Variants in SNTG2 observed in about 807,000 individuals in gnomAD.
SNTG2 encodes the protein syntrophin gamma 2, also known as gamma-2-syntrophin.
Under a neutral mutation model 70.9 loss-of-function variants are expected in SNTG2, and 74 were observed. The ratio of observed to expected loss-of-function variants is 1.04; its 90% CI spans 0.86 to 1.27. SNTG2 has a LOEUF of 1.27. SNTG2 is among the 50% of genes most tolerant of loss of function. The probability of loss-of-function intolerance (pLI) is 0.00; values close to 1 mark genes in which losing one functional copy is unlikely to be tolerated. For synonymous variants in SNTG2, 278 were observed against 273.8 expected, an observed-to-expected ratio of 1.02 and a Z score of -0.15; for missense variants, 717 against 690.7, an observed-to-expected ratio of 1.04 and a Z score of -0.43.
chr2:1,121,934 G>A (rs1667405723), intron 4 of SNTG2, among the ~76,000 whole-genome samples: 1 of 152,058 alleles, frequency 6.6e-6, no homozygotes, highest in Admixed American at 6.5e-5. Context: ...GCATTACCAT[G>A]GACACCTCAG....
chr2:1,152,503 GGT>G (rs1008255680), intron 6 of SNTG2, among the ~76,000 whole-genome samples: 3 of 152,128 alleles, frequency 2.0e-5, no homozygotes, highest in Non-Finnish European at 4.4e-5. Flanking sequence ...GCGTATATTC[GGT>G]GTGTGTGTAC....
chr2:1,184,902 A>C (rs1335027777), intron 8 of SNTG2, among the ~76,000 whole-genome samples: 3 of 152,172 alleles, frequency 2.0e-5, no homozygotes, highest in African/African-American at 7.2e-5. Flanking sequence ...GTTTTAACTC[A>C]TGTCAGCATT....
chr2:1,308,230 C>G (rs1680800262), intron 14 of SNTG2, among the ~76,000 whole-genome samples: 2 of 152,126 alleles, frequency 1.3e-5, no homozygotes, highest in African/African-American at 4.8e-5. Flanking sequence ...TGCATTTGTT[C>G]TGAGTTAGAG....
At chr2:1,247,799 A>T (rs986747651) in intron 12 of SNTG2, among the ~76,000 whole-genome samples, 1 of 152,058 alleles carries the variant, frequency 6.6e-6, no homozygotes, top group Non-Finnish European at 1.5e-5. Flanking sequence ...CTCTTTTTAG[A>T]CGTTTCCAAT....
chr2:1,159,979 C>T (rs977765184), intron 6 of SNTG2, among the ~76,000 whole-genome samples: 6 of 152,158 alleles, frequency 3.9e-5, no homozygotes, highest in East Asian at 3.9e-4. Context: ...CGGAACACTG[C>T]GTCCGTGAGA....
intron 16 of SNTG2, among the ~76,000 whole-genome samples, chr2:1,356,288 C>T (rs1351975613): frequency 1.3e-5 from 2 of 152,168 alleles, no homozygotes; most frequent in Non-Finnish European, 2.9e-5. Flanking sequence ...ATCTTTTCCA[C>T]TGTTTTCTTC....
chr2:1,272,463 T>TTAAAAA (rs1553377210), intron 14 of SNTG2, among the ~76,000 whole-genome samples: 1 of 51,894 alleles, frequency 1.9e-5, no homozygotes, highest in Admixed American at 2.2e-4. Context: ...CTGGTACTGG[T>TTAAAAA]AAAAAAAAAA....
intron 4 of SNTG2, 67 bp from the exon 5 acceptor site, chr2:1,137,555 G>A: frequency 6.4e-7 from 1 of 1,555,892 alleles, no homozygotes; most frequent in Non-Finnish European, 8.8e-7. Context: ...GTGCTTAAAT[G>A]ACTGTCATAA....
chr2:1,308,299 A>T (rs1334846944), intron 14 of SNTG2, among the ~76,000 whole-genome samples, 195 bp from the exon 15 acceptor site: 1 of 152,174 alleles, frequency 6.6e-6, no homozygotes, highest in African/African-American at 2.4e-5. Context: ...CTTGACAAAA[A>T]GCAAGAAAGA....
intron 14 of SNTG2, among the ~76,000 whole-genome samples, chr2:1,289,468 A>G (rs933714728): frequency 6.6e-6 from 1 of 152,194 alleles, no homozygotes; most frequent in East Asian, 1.9e-4. Context: ...CACTTGGCAG[A>G]TCGTACCCTG....
intron 4 of SNTG2, among the ~76,000 whole-genome samples, chr2:1,116,085 C>T (rs937763330): frequency 6.6e-6 from 1 of 152,174 alleles, no homozygotes; most frequent in African/African-American, 2.4e-5. Flanking sequence ...AAACACCTTA[C>T]GTTTGTGCAG....
intron 9 of SNTG2, among the ~76,000 whole-genome samples, chr2:1,220,631 T>C (rs1674691604): frequency 6.6e-6 from 1 of 152,222 alleles, no homozygotes; most frequent in Non-Finnish European, 1.5e-5. Flanking sequence ...CTGAAAACTT[T>C]CTTTTGACGA....
chr2:1,062,725 G>A (rs1260758247), intron 1 of SNTG2, among the ~76,000 whole-genome samples: 2 of 152,126 alleles, frequency 1.3e-5, no homozygotes, highest in African/African-American at 2.4e-5. Context: ...CTTGATTTTT[G>A]TGAGTTATAG....
chr2:960,563 C>T (rs760084193), intron 1 of SNTG2, among the ~76,000 whole-genome samples: 6 of 151,424 alleles, frequency 4.0e-5, no homozygotes, highest in Non-Finnish European at 8.9e-5. Context: ...CGGGGCACGG[C>T]TATAGGTTCT....
chr2:1,047,511 T>C (rs1010506331), intron 1 of SNTG2, among the ~76,000 whole-genome samples: 12 of 152,200 alleles, frequency 7.9e-5, no homozygotes, highest in African/African-American at 2.9e-4. Context: ...AGCTGTGTGG[T>C]GTAATTTGTG....
intron 1 of SNTG2, among the ~76,000 whole-genome samples, chr2:957,811 A>G (rs1373580672): frequency 6.6e-6 from 1 of 152,172 alleles, no homozygotes; most frequent in Non-Finnish European, 1.5e-5. Flanking sequence ...GGCTCCCTGG[A>G]GCCTCTGGAG....
chr2:1,048,941 A>G (rs1416920332), intron 1 of SNTG2, among the ~76,000 whole-genome samples: 1 of 151,958 alleles, frequency 6.6e-6, no homozygotes, highest in Non-Finnish European at 1.5e-5. Context: ...ACACCTTTCT[A>G]TTTGTCATCA....
chr2:1,112,568 C>T lies in SNTG2; in HGVS notation c.325+14158C>T, dbSNP rs1403568344. On this transcript the variant is annotated intron_variant, in intron 4 of 16. Coordinates refer to ENST00000308624, the MANE Select transcript of SNTG2 (RefSeq NM_018968.4). The stretch of plus-strand genomic sequence containing the variant: ...TCGTGTGTACTAAGTGAGGTGTAAC[C>T]CTTACAGTCCTTTGAGAAAGATCGT... Among the ~76,000 whole-genome samples, 11 of 151,258 alleles carry T rather than the reference C, an allele frequency of 7.3e-5. 1 individual carries two copies. Among genetic ancestry groups the T allele is most frequent in the Admixed American group, 7.2e-4 (11 of 15,222 alleles).
intron 14 of SNTG2, among the ~76,000 whole-genome samples, chr2:1,275,672 C>T (rs1035731124): frequency 2.7e-5 from 4 of 150,380 alleles, no homozygotes; most frequent in Admixed American, 2.7e-4. Context: ...CAGTTAACAA[C>T]CCTGGAATGG....
Sources: allele counts gnomAD v4.1 joint callset (sites outside exome capture counted in the v4.1 genomes callset), GRCh38; gene constraint gnomAD v4.1.1; transcripts MANE v1.5; gene names NCBI Gene and HGNC (gene_info 2026-07-23, HGNC 2026-07-21).